The following RCC1 variants were observed in gnomAD, a reference collection of about 807,000 sequenced individuals.
The protein encoded by RCC1 is regulator of chromosome condensation 1.
In RCC1, 11 loss-of-function variants were observed where a neutral mutation model predicts 44.4. That is an observed-to-expected ratio of 0.25 (90% CI 0.16 to 0.41). The LOEUF is 0.41. RCC1 is among the 10% of genes least tolerant of loss of function. RCC1 has a pLI of 1.00. For synonymous variants in RCC1, 213 were observed against 216.5 expected, an observed-to-expected ratio of 0.98 and a Z score of 0.14; for missense variants, 386 against 547.1, an observed-to-expected ratio of 0.71 and a Z score of 2.94.
intron 3 of RCC1, 114 bp from the exon 4 acceptor site, chr1:28,516,611 G>A (rs991578400): frequency 4.4e-6 from 1 of 227,724 alleles, no homozygotes; most frequent in South Asian, 4.9e-5. Flanking sequence ...CAACTGCCAT[G>A]AGGTTTTTGT....
intron 3 of RCC1, 177 bp downstream of exon 3, chr1:28,509,082 C>T: frequency 2.8e-6 from 1 of 358,530 alleles, no homozygotes. Context: ...GGATTACAAA[C>T]ATAAGCCACC....
chr1:28,525,069 G>T (rs1370607969), intron 4 of RCC1, among the ~76,000 whole-genome samples: 1 of 152,050 alleles, frequency 6.6e-6, no homozygotes. Flanking sequence ...CCTTTTAAGG[G>T]CTTACAACTC....
At chr1:28,514,471 C>A (rs936635184) in intron 3 of RCC1, among the ~76,000 whole-genome samples, 8 of 144,944 alleles carry the variant, frequency 5.5e-5, no homozygotes, top group African/African-American at 1.8e-4. Context: ...AAAAAAAAAA[C>A]CTTCTGGCGG....
intron 4 of RCC1, chr1:28,526,854 G>A: frequency 1.6e-6 from 1 of 641,388 alleles, no homozygotes; most frequent in Non-Finnish European, 2.8e-6. Context: ...CCGAGATCGT[G>A]CCACTGCACT....
At position 28,536,454 on chromosome 1, in the gene RCC1, A is replaced by G; in HGVS notation, c.937+73A>G. On this transcript the variant is annotated intron_variant, in intron 11 of 12. Transcript: ENST00000683442. This position sits in a 1 kb window ranked among gnomAD's most constrained non-coding sequence, Gnocchi z 4.9. ...GCCTAGGCCTAGCCAGATTCCTGAG[A>G]CCATGGTCCTTGGAGCCTGGGTCTG... 1 of 1,551,000 alleles carries G rather than the reference A, an allele frequency of 6.4e-7. No individual in the cohort carries two copies. The highest frequency in any genetic ancestry group is 8.7e-7 in the Non-Finnish European group (1 of 1,151,624).
rs558562777 is a variant in RCC1, at chr1:28,509,465, T to G, written c.-153+560T>G. 72 of 154,086 alleles carry G rather than the reference T, an allele frequency of 4.7e-4. 1 individual carries two copies. The South Asian group carries it at 9.1e-3, about 19-fold the overall frequency. 9.5% of individuals were successfully genotyped at this position (154,086 alleles called of 1,614,324 possible). On this transcript the variant is annotated intron_variant, in intron 3 of 12. Transcript: ENST00000683442. ...CCATATTGGCCAGGCTGTTCTCAAC[T>G]CCTGACCTCGTGATCCGCCCACCTC...
intron 7 of RCC1, 121 bp from the exon 8 acceptor site, chr1:28,534,929 T>G: frequency 4.0e-6 from 3 of 750,894 alleles, no homozygotes; most frequent in Non-Finnish European, 7.3e-6. Context: ...CATAAGTATT[T>G]GAGTATGTGG....
intron 4 of RCC1, chr1:28,518,240 C>A (rs2124622596): frequency 6.6e-6 from 1 of 152,202 alleles, no homozygotes; most frequent in East Asian, 1.9e-4. Context: ...GCCTGCAGAG[C>A]GCATGCTCTG....
intron 4 of RCC1, chr1:28,526,372 C>T: frequency 2.4e-6 from 1 of 411,294 alleles, no homozygotes; most frequent in South Asian, 3.0e-5. Context: ...AGTGCAAGAC[C>T]AGGACCTTCT....
At chr1:28,510,646 CAGGCACTGTTCT>C (rs1557866685) in intron 3 of RCC1, 1 of 152,162 alleles carries the variant, frequency 6.6e-6, no homozygotes, top group African/African-American at 2.4e-5. Flanking sequence ...TTACCTGTGC[CAGGCACTGTTCT>C]AGGTAAGCAC....
chr1:28,507,937 A>C (rs1662149116), intron 1 of RCC1, 191 bp from the exon 2 acceptor site: 1 of 300,336 alleles, frequency 3.3e-6, no homozygotes, highest in African/African-American at 2.2e-5. Context: ...TTTAAGAAAA[A>C]TTGGCTAAAA....
At chr1:28,510,214 G>A (rs1296649400) in intron 3 of RCC1, 1 of 152,372 alleles carries the variant, frequency 6.6e-6, no homozygotes, top group Non-Finnish European at 1.5e-5. Flanking sequence ...GTGGACTGTA[G>A]AGCTTGCTTG....
intron 4 of RCC1, among the ~76,000 whole-genome samples, chr1:28,528,489 A>G (rs1239771237): frequency 6.6e-6 from 1 of 152,116 alleles, no homozygotes; most frequent in Non-Finnish European, 1.5e-5. Context: ...TTAGCAGGGC[A>G]TGGTGATGCA....
At chr1:28,537,763 G>C in intron 12 of RCC1, 69 bp from the exon 13 acceptor site, 1 of 1,493,452 alleles carries the variant, frequency 6.7e-7, no homozygotes, top group Non-Finnish European at 9.0e-7. Flanking sequence ...CATGTCCCAG[G>C]TTTCTCCTGC....
intron 3 of RCC1, chr1:28,509,107 TACCTCTTTTAAAAGTCG>T (rs1284625145): frequency 8.9e-6 from 3 of 337,790 alleles, no homozygotes; most frequent in African/African-American, 4.3e-5. Context: ...CCAGCCCTCA[TACCTCTTTTAAAAGTCG>T]ACCTGTTTTG....
At chr1:28,507,584 G>A in intron 1 of RCC1, 1 of 501,174 alleles carries the variant, frequency 2.0e-6, no homozygotes, top group South Asian at 1.4e-5. Flanking sequence ...CTAGAGCACT[G>A]AATCTGGATT....
intron 4 of RCC1, among the ~76,000 whole-genome samples, 181 bp from the exon 5 acceptor site, chr1:28,529,677 A>G (rs964367615): frequency 1.3e-5 from 2 of 150,632 alleles, no homozygotes; most frequent in Non-Finnish European, 2.9e-5. Flanking sequence ...GATACAGTAG[A>G]GAATATTTGT....
chr1:28,519,360 T>C (rs1663129279), intron 4 of RCC1, among the ~76,000 whole-genome samples: 1 of 152,004 alleles, frequency 6.6e-6, no homozygotes, highest in Non-Finnish European at 1.5e-5. Context: ...AGGGAAGATT[T>C]CCCCCAAGAA....
chr1:28,537,598 C>T (rs1443885030), intron 12 of RCC1, among the ~76,000 whole-genome samples: 3 of 152,180 alleles, frequency 2.0e-5, no homozygotes, highest in Non-Finnish European at 4.4e-5. Flanking sequence ...GAATGCCACG[C>T]CTAGGAGCAG....
Sources: gnomAD v4.1 joint callset for allele counts (sites outside exome capture counted in the v4.1 genomes callset) on GRCh38, gnomAD v4.1.1 for gene constraint, Gnocchi (gnomAD v3.1) non-coding constraint, MANE v1.5 for transcripts, NCBI Gene and HGNC (gene_info 2026-07-23, HGNC 2026-07-21) for gene names.